Variants in LINGO2 observed in about 807,000 individuals in gnomAD.
LINGO2 encodes leucine-rich repeat and immunoglobulin-like domain-containing nogo receptor-interacting protein 2.
LINGO2 carries 14 observed loss-of-function variants against 30.6 expected under a neutral mutation model. The observed-to-expected ratio is 0.46, with a 90% confidence interval of 0.30 to 0.72. LINGO2 has a LOEUF of 0.72. Ranked by LOEUF, LINGO2 falls within the 30% of genes least tolerant of loss-of-function variation. The pLI is 0.07. For synonymous variants in LINGO2, 317 were observed against 288.5 expected, an observed-to-expected ratio of 1.10 and a Z score of -1.00; for missense variants, 729 against 751.7, an observed-to-expected ratio of 0.97 and a Z score of 0.35.
chr9:28,496,423 T>G (rs1256399056), intron 1 of LINGO2, among the ~76,000 whole-genome samples: 1 of 151,486 alleles, frequency 6.6e-6, no homozygotes, highest in Non-Finnish European at 1.5e-5. Context: ...AATGGCCTTC[T>G]TTGTCTCTTT....
At chr9:28,548,725 A>AAAAATAAT (rs1822094698) in intron 1 of LINGO2, among the ~76,000 whole-genome samples, 1 of 149,924 alleles carries the variant, frequency 6.7e-6, no homozygotes, top group African/African-American at 2.4e-5. Flanking sequence ...AAAAAAAAAA[A>AAAAATAAT]AAAAATATTT....
chr9:29,202,343 T>C, the LINGO2 span, among the ~76,000 whole-genome samples: 19 of 152,168 alleles, frequency 1.2e-4, no homozygotes, highest in African/African-American at 3.4e-4. Context: ...TCCAGTTGCA[T>C]GAATCCCAAC....
At chr9:29,041,954 T>C in the LINGO2 span, among the ~76,000 whole-genome samples, 1 of 151,998 alleles carries the variant, frequency 6.6e-6, no homozygotes, top group African/African-American at 2.4e-5. Flanking sequence ...CTCAGCAATT[T>C]AAAACTTTCC....
chr9:28,810,325 A>T, the LINGO2 span, among the ~76,000 whole-genome samples: 3 of 152,196 alleles, frequency 2.0e-5, no homozygotes, highest in African/African-American at 7.2e-5. Flanking sequence ...AAGGACAGAA[A>T]TTAAAATTAA....
At chr9:28,840,220 C>A in the LINGO2 span, among the ~76,000 whole-genome samples, 302 of 151,908 alleles carry the variant, frequency 2.0e-3, 12 homozygotes, top group African/African-American at 7.2e-3. Context: ...GGGTCTCCCA[C>A]CCCTTCAAGT....
At chr9:28,224,539 C>T (rs540579262) in intron 4 of LINGO2, among the ~76,000 whole-genome samples, 17 of 152,214 alleles carry the variant, frequency 1.1e-4, no homozygotes, top group African/African-American at 2.6e-4. Context: ...ACAGCTGTTT[C>T]GAATAGCTGT....
the LINGO2 span, among the ~76,000 whole-genome samples, chr9:29,134,537 G>A: frequency 1.3e-5 from 2 of 151,950 alleles, no homozygotes; most frequent in African/African-American, 2.4e-5. Context: ...AAATTAGCTA[G>A]ATGAAAGGAG....
chr9:28,249,430 C>T (rs989285528), intron 4 of LINGO2, among the ~76,000 whole-genome samples: 2 of 151,954 alleles, frequency 1.3e-5, no homozygotes, highest in Non-Finnish European at 2.9e-5. Flanking sequence ...GTTTAATGTG[C>T]TTATGGTAAG....
intron 5 of LINGO2, among the ~76,000 whole-genome samples, chr9:27,958,571 A>G (rs369549153): frequency 6.6e-6 from 1 of 152,202 alleles, no homozygotes; most frequent in Non-Finnish European, 1.5e-5. Context: ...CTACATTCAT[A>G]TAACTTTTAT....
intron 3 of LINGO2, among the ~76,000 whole-genome samples, chr9:28,343,713 G>C (rs1262331463): frequency 6.6e-6 from 1 of 152,038 alleles, no homozygotes; most frequent in East Asian, 1.9e-4. Context: ...AGAAAGTGCA[G>C]GTCAAAAATG....
chr9:28,478,736 T>C (rs1052332342), intron 1 of LINGO2, among the ~76,000 whole-genome samples: 1 of 152,118 alleles, frequency 6.6e-6, no homozygotes, highest in Non-Finnish European at 1.5e-5. Flanking sequence ...AAACCATACA[T>C]ACTTCTTCTC....
chr9:28,636,562 C>A (rs953799248), intron 1 of LINGO2, among the ~76,000 whole-genome samples: 2 of 152,166 alleles, frequency 1.3e-5, no homozygotes, highest in African/African-American at 4.8e-5. Context: ...ATTTGCATTT[C>A]TCTGATGGCC....
the LINGO2 span, among the ~76,000 whole-genome samples, chr9:29,209,199 C>T: frequency 0.093 from 14,067 of 151,958 alleles, 859 homozygotes; most frequent in African/African-American, 0.17. Flanking sequence ...AGGCTGTCCA[C>T]CTATGTCAAA....
At chr9:27,957,216 C>G (rs2118491553) in intron 5 of LINGO2, among the ~76,000 whole-genome samples, 1 of 152,280 alleles carries the variant, frequency 6.6e-6, no homozygotes, top group East Asian at 1.9e-4. Context: ...CTTTTCTATT[C>G]TGCTCCACCA....
chr9:28,766,920 G>A, the LINGO2 span, among the ~76,000 whole-genome samples: 7 of 151,930 alleles, frequency 4.6e-5, no homozygotes, highest in Admixed American at 1.3e-4. Context: ...ATTATGTTAA[G>A]TGAAATAAGT....
At chr9:28,845,474 A>C in the LINGO2 span, among the ~76,000 whole-genome samples, 1 of 151,146 alleles carries the variant, frequency 6.6e-6, no homozygotes, top group Non-Finnish European at 1.5e-5. Context: ...CAAAACAGTT[A>C]TACATTGTAT....
rs753958511 is a variant in LINGO2, at chr9:28,275,108, G to A, written c.-87+20100C>T. 1.4e-4 allele frequency among the ~76,000 whole-genome samples: 22 copies of A among 152,016 alleles called. No homozygotes were observed. In the Middle Eastern group the frequency reaches 0.01, roughly 71 times the overall value. ...TTTTGGGACAGAGTCTCACTCTGTC[G>A]CCCAGGCTGGAGTGCAGTGGCGCTA... On this transcript the variant is annotated intron_variant, in intron 4 of 5. Transcript: ENST00000379992.
intron 4 of LINGO2, among the ~76,000 whole-genome samples, chr9:28,050,667 T>C (rs1824630353): frequency 6.6e-6 from 1 of 150,952 alleles, no homozygotes; most frequent in South Asian, 2.1e-4. Context: ...TTAAATGTCT[T>C]AGGTGTACCA....
At chr9:28,111,709 G>A (rs1321903122) in intron 4 of LINGO2, among the ~76,000 whole-genome samples, 1 of 152,002 alleles carries the variant, frequency 6.6e-6, no homozygotes, top group Non-Finnish European at 1.5e-5. Flanking sequence ...AATGCAAAGG[G>A]CTTCACCCAT....
Sources: allele counts gnomAD v4.1 joint callset (sites outside exome capture counted in the v4.1 genomes callset), GRCh38; gene constraint gnomAD v4.1.1; transcripts MANE v1.5; gene names NCBI Gene and HGNC (gene_info 2026-07-23, HGNC 2026-07-21).